Variants in DACH2 observed in about 807,000 individuals in gnomAD.
DACH2 encodes dachshund homolog 2.
A neutral mutation model predicts 35.8 loss-of-function variants in DACH2; 17 were observed. That is an observed-to-expected ratio of 0.48 (90% confidence interval 0.33 to 0.71). DACH2 has a LOEUF of 0.71. DACH2 is among the 30% of genes least tolerant of loss of function. DACH2 has a pLI of 0.02. For missense variants in DACH2, 469 were observed against 472.7 expected, an observed-to-expected ratio of 0.99 and a Z score of 0.07; for synonymous variants, 195 against 177.3, an observed-to-expected ratio of 1.10 and a Z score of -0.79.
intron 1 of DACH2, among the ~76,000 whole-genome samples, chrX:86,300,890 A>G (rs2034563416): frequency 8.9e-6 from 1 of 112,179 alleles, no homozygotes. Flanking sequence ...ATTAAAATGG[A>G]ATAAATATTT....
intron 11 of DACH2, among the ~76,000 whole-genome samples, chrX:86,821,651 G>T (rs1453551939): frequency 9.0e-6 from 1 of 111,136 alleles, no homozygotes; most frequent in Non-Finnish European, 1.9e-5. Context: ...TTTCTTAGGA[G>T]GATGGGAAGA....
chrX:86,471,534 A>C (rs1899363369), intron 2 of DACH2, among the ~76,000 whole-genome samples: 1 of 111,344 alleles, frequency 9.0e-6, no homozygotes, highest in Non-Finnish European at 1.9e-5. Context: ...TTTACTAATA[A>C]TTCAGTAAGA....
At chrX:86,535,379 T>A (rs776261064) in intron 3 of DACH2, among the ~76,000 whole-genome samples, 1 of 111,770 alleles carries the variant, frequency 8.9e-6, no homozygotes, top group Admixed American at 9.6e-5. Flanking sequence ...AGTAATATTC[T>A]AAGCCCCCCA....
intron 7 of DACH2, among the ~76,000 whole-genome samples, chrX:86,756,473 G>GT (rs200159073): frequency 0.013 from 1,238 of 96,817 alleles, 19 homozygotes; most frequent in African/African-American, 0.038. Flanking sequence ...TTACTCCTAG[G>GT]TTTTTTTTTT....
intron 11 of DACH2, among the ~76,000 whole-genome samples, chrX:86,823,435 T>C (rs183762495): frequency 1.8e-5 from 2 of 112,216 alleles, no homozygotes; most frequent in Admixed American, 9.5e-5. Context: ...CTTTCAAGTT[T>C]ACATTTTACT....
chrX:86,782,414 A>C (rs1253276987), intron 7 of DACH2, among the ~76,000 whole-genome samples: 1 of 111,846 alleles, frequency 8.9e-6, no homozygotes, highest in African/African-American at 3.2e-5. Flanking sequence ...AAGTTACTTT[A>C]AAATTTACAA....
At chrX:86,575,076 T>C (rs1176190575) in intron 3 of DACH2, among the ~76,000 whole-genome samples, 4 of 111,260 alleles carry the variant, frequency 3.6e-5, no homozygotes, top group Non-Finnish European at 5.7e-5. Context: ...AAATTTCTTC[T>C]TTAAGTGAAT....
chrX:86,803,938 C>G (rs896156382), intron 7 of DACH2, among the ~76,000 whole-genome samples: 1 of 111,181 alleles, frequency 9.0e-6, no homozygotes, highest in African/African-American at 3.3e-5. Flanking sequence ...GTGGCAATCT[C>G]AAGTGAAATG....
At chrX:86,454,828 C>T (rs748173323) in intron 2 of DACH2, among the ~76,000 whole-genome samples, 17 of 112,033 alleles carry the variant, frequency 1.5e-4, no homozygotes, top group Non-Finnish European at 2.4e-4. Flanking sequence ...ACAGGTGTTA[C>T]AGTCATTTGA....
At chrX:86,279,347 A>T (rs2033980192) in intron 1 of DACH2, among the ~76,000 whole-genome samples, 1 of 112,011 alleles carries the variant, frequency 8.9e-6, no homozygotes, top group African/African-American at 3.3e-5. Context: ...AGAGGAAGGA[A>T]CAGGCAGAAA....
At chrX:86,744,816 C>A (rs2041694109) in intron 7 of DACH2, among the ~76,000 whole-genome samples, 1 of 111,339 alleles carries the variant, frequency 9.0e-6, no homozygotes, top group Non-Finnish European at 1.9e-5. Context: ...TCAAATAAAT[C>A]GACCAAATTA....
At chrX:86,795,373 A>G (rs2042225613) in intron 7 of DACH2, among the ~76,000 whole-genome samples, 1 of 109,444 alleles carries the variant, frequency 9.1e-6, no homozygotes. Context: ...AACTGGGACT[A>G]CAGGCACGTG....
In DACH2 at chrX:86,636,378, G is replaced by T. The variant is rs758095239; in HGVS notation, c.641-14658G>T. Among the ~76,000 whole-genome samples, 69 of 109,077 alleles carry T rather than the reference G, an allele frequency of 6.3e-4. 1 individual carries two copies. Among genetic ancestry groups the T allele is most frequent in the Admixed American group, 5.1e-3 (52 of 10,208 alleles). The allele number at this position is 109,077 out of a possible 115,157, so 94.7% of individuals were successfully genotyped here. A position where few individuals can be genotyped will look rare whatever the true frequency, so the allele number is the denominator to read the frequency against. On this transcript the variant is annotated intron_variant, in intron 3 of 11. Coordinates refer to ENST00000373125, the MANE Select transcript of DACH2 (RefSeq NM_053281.3). Reference sequence around the variant, plus strand: ...CAGCAGAATCACTTGAACGCGGGAGGCAGAGGTTGCAGTGAGCTGAGATCA... The same window carrying T: ...CAGCAGAATCACTTGAACGCGGGAGTCAGAGGTTGCAGTGAGCTGAGATCA...
intron 2 of DACH2, among the ~76,000 whole-genome samples, chrX:86,416,391 C>A (rs1342617896): frequency 1.8e-5 from 2 of 111,725 alleles, no homozygotes; most frequent in Non-Finnish European, 3.8e-5. Flanking sequence ...CTATGTGTTT[C>A]TCATTGCAGT....
intron 6 of DACH2, among the ~76,000 whole-genome samples, chrX:86,718,214 A>G (rs959454129): frequency 9.0e-6 from 1 of 111,471 alleles, no homozygotes; most frequent in African/African-American, 3.3e-5. Context: ...ATGATATCCC[A>G]TTGTGGTTTT....
intron 2 of DACH2, among the ~76,000 whole-genome samples, chrX:86,492,415 A>C (rs776636157): frequency 1.8e-5 from 2 of 111,829 alleles, no homozygotes; most frequent in Non-Finnish European, 3.8e-5. Context: ...CCCAGATAGA[A>C]CAAGTAAAAA....
At chrX:86,389,551 C>T (rs2148116467) in intron 2 of DACH2, among the ~76,000 whole-genome samples, 1 of 112,032 alleles carries the variant, frequency 8.9e-6, no homozygotes, top group African/African-American at 3.2e-5. Flanking sequence ...GTAAACTGAA[C>T]ATGTTAGCAA....
chrX:86,452,905 T>C (rs1050197501), intron 2 of DACH2, among the ~76,000 whole-genome samples: 3 of 111,340 alleles, frequency 2.7e-5, no homozygotes, highest in Admixed American at 9.6e-5. Context: ...TTAGTTGTGA[T>C]GTTAGGTTGT....
At position 86,148,590 on chromosome X, in the gene DACH2, C is replaced by A. The variant is rs1475241138; in HGVS notation, c.-31C>A. On this transcript the variant is annotated 5_prime_UTR_variant, in exon 1 of 12. Transcript: ENST00000373125. ...AGGAGTCAGGGCGAGAAAGCGAGGG[C>A]CGGAGGACCCACGATAGAGACAGAG... The A allele has an allele frequency of 8.9e-7, 1 of 1,128,588 alleles. No individual in the cohort carries two copies. Among genetic ancestry groups the A allele is most frequent in the African/African-American group, 1.8e-5 (1 of 54,249 alleles). 93.0% of individuals were successfully genotyped at this position (1,128,588 alleles called of 1,213,427 possible).
Sources: gnomAD v4.1 joint callset for allele counts (sites outside exome capture counted in the v4.1 genomes callset) on GRCh38, gnomAD v4.1.1 for gene constraint, MANE v1.5 for transcripts, NCBI Gene and HGNC (gene_info 2026-07-23, HGNC 2026-07-21) for gene names.